Variants in DDIAS observed in about 807,000 individuals in gnomAD.
DDIAS encodes DNA damage-induced apoptosis suppressor protein.
A neutral mutation model predicts 15.7 loss-of-function variants in DDIAS; 14 were observed. That is an observed-to-expected ratio of 0.89 (90% CI 0.59 to 1.39). DDIAS has a LOEUF of 1.39. Ranked by LOEUF, DDIAS falls within the 40% of genes most tolerant of loss-of-function variation. The pLI, the probability that DDIAS is intolerant of heterozygous loss-of-function variation, is 0.00. For synonymous variants in DDIAS, 355 were observed against 395.9 expected, an observed-to-expected ratio of 0.90 and a Z score of 1.23; for missense variants, 1,035 against 1,130.9, an observed-to-expected ratio of 0.92 and a Z score of 1.22.
At chr11:82,923,964 C>T (rs1320441890) in intron 3 of DDIAS, among the ~76,000 whole-genome samples, 2 of 152,144 alleles carry the variant, frequency 1.3e-5, no homozygotes, top group African/African-American at 4.8e-5. Flanking sequence ...ATAGAAATTG[C>T]CCTTCTGGGT....
chr11:82,905,717 C>G (rs1260734027), intron 1 of DDIAS, among the ~76,000 whole-genome samples: 1 of 152,120 alleles, frequency 6.6e-6, no homozygotes, highest in African/African-American at 2.4e-5. Context: ...AGTCTAGTGA[C>G]TAGGTAGGGA....
rs1861019459 is a variant in DDIAS, at chr11:82,932,584, C to G, written c.1246C>G (p.Leu416Val). 6.2e-7 allele frequency: 1 copy of G among 1,614,144 alleles called. No individual in the cohort carries two copies. The highest frequency in any genetic ancestry group is 2.2e-5 in the East Asian group (1 of 44,884). The change falls in exon 6 of 6, where the codon CTG (leucine) becomes GTG (valine). Residue 416 changes from leucine to valine, a missense_variant. Physicochemically the swap from Leu to Val is conservative, Grantham distance 32. Transcript: ENST00000533655. ...TGGTGACCCTCAAATTTGGGATGAT[C>G]TGCCATTCTCTGAAAGCCTGAACAA... is the stretch of plus-strand genomic sequence containing the variant. The part of the protein sequence containing the change: ...QDGDPQIWDD[L>V]PFSESLNKFL...
At position 82,932,174 on chromosome 11, in the gene DDIAS, T is replaced by C. The variant is rs766535078; in HGVS notation, c.836T>C (p.Ile279Thr). Residue 279 changes from isoleucine to threonine, a missense_variant, in exon 6 of 6, where the codon ATT (isoleucine) becomes ACT (threonine). Coordinates refer to ENST00000533655, the MANE Select transcript of DDIAS (RefSeq NM_145018.4). ...CAGCAGAACAGAAAGTCCATCTCCA[T>C]TGCAGAGGCCACTGGTTCCAGTAGC... ...TLQQNRKSIS[I>T]AEATGSSSCH... 1.2e-6 allele frequency: 2 copies of C among 1,614,172 alleles called. No individual in the cohort carries two copies. Among genetic ancestry groups the C allele is most frequent in the Non-Finnish European group, 1.7e-6 (2 of 1,180,032 alleles).
chr11:82,902,870 T>G (rs990526470), intron 1 of DDIAS, among the ~76,000 whole-genome samples: 1 of 152,234 alleles, frequency 6.6e-6, no homozygotes, highest in African/African-American at 2.4e-5. Flanking sequence ...TGAGATCCAA[T>G]GATGAACAAG....
chr11:82,904,942 A>T (rs1860395179), intron 1 of DDIAS, among the ~76,000 whole-genome samples: 1 of 152,244 alleles, frequency 6.6e-6, no homozygotes, highest in Non-Finnish European at 1.5e-5. Context: ...TACCAAATAT[A>T]CAAATATGGG....
intron 1 of DDIAS, among the ~76,000 whole-genome samples, chr11:82,902,321 C>A (rs1456598165): frequency 2.0e-5 from 3 of 152,264 alleles, no homozygotes; most frequent in African/African-American, 7.2e-5. Context: ...CTGTTCACTT[C>A]TCTCCGTTTT....
chr11:82,908,270 A>G (rs1288059714), intron 1 of DDIAS, among the ~76,000 whole-genome samples: 1 of 152,188 alleles, frequency 6.6e-6, no homozygotes, highest in East Asian at 1.9e-4. Context: ...CTTGAAATAC[A>G]GTGATTGAGG....
rs188743343 is a variant in DDIAS, at chr11:82,906,269, G to A, written c.-117+4447G>A. On this transcript the variant is annotated intron_variant, in intron 1 of 5. Coordinates refer to ENST00000533655, the MANE Select transcript of DDIAS (RefSeq NM_145018.4). Reference sequence around the variant, plus strand: ...TGCCATTTTCTGGGGTTCACCAGGTGAAATACAAATAGTAAAAATACTAAT... The same window carrying A: ...TGCCATTTTCTGGGGTTCACCAGGTAAAATACAAATAGTAAAAATACTAAT... Among the ~76,000 whole-genome samples, 22 of 152,084 alleles carry A rather than the reference G, an allele frequency of 1.4e-4. 1 individual carries two copies. Among genetic ancestry groups the A allele is most frequent in the African/African-American group, 3.6e-4 (15 of 41,418 alleles).
chr11:82,902,842 C>T (rs1860348959), intron 1 of DDIAS, among the ~76,000 whole-genome samples: 1 of 152,136 alleles, frequency 6.6e-6, no homozygotes, highest in Admixed American at 6.5e-5. Flanking sequence ...TTCGTCTGTG[C>T]CAAGAATTGC....
In DDIAS at chr11:82,932,487, C is replaced by T; in HGVS notation, c.1149C>T (p.Ser383=). 1 of 1,614,180 alleles carries T rather than the reference C, an allele frequency of 6.2e-7. No individual in the cohort carries two copies. The highest frequency in any genetic ancestry group is 8.5e-7 in the Non-Finnish European group (1 of 1,180,036). The part of the protein sequence containing the change: ...FQHHGIDTPT[S]LQKRSACCPP... ...ATCATGGTATAGATACCCCAACTAGCCTTCAGAAGAGATCTGCATGTTGTC... is the reference window on the plus strand; with the variant it reads ...ATCATGGTATAGATACCCCAACTAGTCTTCAGAAGAGATCTGCATGTTGTC... Residue 383 remains serine (S), a synonymous_variant, in exon 6 of 6, where the codon AGC becomes AGT. Coordinates refer to ENST00000533655, the MANE Select transcript of DDIAS (RefSeq NM_145018.4).
At chr11:82,903,848 G>A (rs147087840) in intron 1 of DDIAS, among the ~76,000 whole-genome samples, 2 of 152,336 alleles carry the variant, frequency 1.3e-5, no homozygotes, top group African/African-American at 4.8e-5. Flanking sequence ...TGCAAGGCAA[G>A]AAGGGTTTGG....
At chr11:82,919,014 C>T (rs188113257) in intron 3 of DDIAS, among the ~76,000 whole-genome samples, 354 of 152,224 alleles carry the variant, frequency 2.3e-3, no homozygotes, top group African/African-American at 8.0e-3. Context: ...TTAGGGTTTT[C>T]GAGGTAAACA....
intron 3 of DDIAS, chr11:82,922,730 G>C (rs1404206132): frequency 6.6e-6 from 1 of 152,168 alleles, no homozygotes. Context: ...TGGTGAGCTA[G>C]TGTGATTTTT....
At chr11:82,908,948 G>A (rs1860477663) in intron 1 of DDIAS, among the ~76,000 whole-genome samples, 2 of 152,108 alleles carry the variant, frequency 1.3e-5, no homozygotes, top group African/African-American at 2.4e-5. Flanking sequence ...AGCCCCTTGG[G>A]TCACTTACTC....
At chr11:82,917,166 T>C (rs1308357344) in intron 3 of DDIAS, among the ~76,000 whole-genome samples, 2 of 151,816 alleles carry the variant, frequency 1.3e-5, no homozygotes, top group East Asian at 1.9e-4. Context: ...TTTTTTCCCA[T>C]AGGTTATTGG....
At chr11:82,913,475 G>T in intron 2 of DDIAS, 89 bp downstream of exon 2, 1 of 247,024 alleles carries the variant, frequency 4.0e-6, no homozygotes. Context: ...GAACTCCTGG[G>T]CTCAAGCAAT....
In DDIAS at chr11:82,933,112, T is replaced by C; in HGVS notation, c.1774T>C (p.Leu592=). Residue 592 remains leucine (L), a synonymous_variant, in exon 6 of 6, where the codon TTG becomes CTG. Coordinates refer to ENST00000533655, the MANE Select transcript of DDIAS (RefSeq NM_145018.4). ...EISVSEMNEK[L]TTLCYRKYND... is the part of the protein sequence containing the mutation. ...ATCAGTTTCAGAAATGAATGAAAAG[T>C]TGACAACTCTGTGTTATAGGAAGTA... The C allele has an allele frequency of 6.2e-7, 1 of 1,604,014 alleles. No individual in the cohort carries two copies. Among genetic ancestry groups the C allele is most frequent in the Non-Finnish European group, 8.5e-7 (1 of 1,178,752 alleles).
chr11:82,933,964 G>C lies in DDIAS; in HGVS notation c.2626G>C (p.Asp876His), dbSNP rs780116121. 1 of 1,612,738 alleles carries C rather than the reference G, an allele frequency of 6.2e-7. No individual in the cohort carries two copies. The highest frequency in any genetic ancestry group is 2.2e-5 in the East Asian group (1 of 44,878). Residue 876 changes from aspartate to histidine, a missense_variant, in exon 6 of 6, where the codon GAT becomes CAT. Physicochemically the swap from Asp to His is moderately conservative, Grantham distance 81 (BLOSUM62 -1). Coordinates refer to ENST00000533655, the MANE Select transcript of DDIAS (RefSeq NM_145018.4). ...PPTTQKIFPS[D>H]MLGFQGIGLG... ...TACCACACAAAAAATATTTCCTTCA[G>C]ATATGCTTGGATTCCAAGGCATAGG...
chr11:82,909,003 G>A (rs1860478509), intron 1 of DDIAS, among the ~76,000 whole-genome samples: 1 of 152,162 alleles, frequency 6.6e-6, no homozygotes, highest in African/African-American at 2.4e-5. Flanking sequence ...ATTGTTACAG[G>A]AAAGTAGTCC....
Sources: gnomAD v4.1 joint callset for allele counts (sites outside exome capture counted in the v4.1 genomes callset) on GRCh38, gnomAD v4.1.1 for gene constraint, MANE v1.5 for transcripts, NCBI Gene and HGNC (gene_info 2026-07-23, HGNC 2026-07-21) for gene names.